The following NSUN2 variants were observed in gnomAD, a reference collection of about 807,000 sequenced individuals.
NSUN2 encodes the protein NOP2/Sun RNA methyltransferase 2.
A neutral mutation model predicts 92.7 loss-of-function variants in NSUN2; 63 were observed. The ratio of observed to expected loss-of-function variants is 0.68; its 90% CI spans 0.56 to 0.84. The LOEUF (loss-of-function observed/expected upper bound fraction) is 0.84. Among genes scored for constraint, NSUN2 ranks in the 40% least tolerant of loss-of-function variants. The pLI, the probability that NSUN2 is intolerant of heterozygous loss-of-function variation, is 0.00. For missense variants in NSUN2, 989 were observed against 964.9 expected (o/e 1.02, Z -0.33); for synonymous variants, 356 against 348.3 (o/e 1.02, Z -0.25).
At chr5:6,614,557 G>T (rs1418926086) in intron 9 of NSUN2, among the ~76,000 whole-genome samples, 1 of 152,282 alleles carries the variant, frequency 6.6e-6, no homozygotes, top group East Asian at 1.9e-4. Context: ...ACTGCTGCTG[G>T]AAAGAGAGAC....
At chr5:6,625,476 T>G (rs1426299731) in intron 4 of NSUN2, 88 bp downstream of exon 4, 2 of 907,656 alleles carry the variant, frequency 2.2e-6, no homozygotes, top group Admixed American at 4.1e-5. Context: ...CTACTGCTTC[T>G]AGTGACAAGA....
rs774608643 is a variant in NSUN2, at chr5:6,632,554, G to A, written c.254+45C>T. The A allele has an allele frequency of 3.1e-6, 5 of 1,602,982 alleles. No homozygotes were observed. The South Asian group carries it at 3.3e-5, about 11-fold the overall frequency. On this transcript the variant is annotated intron_variant, in intron 2 of 18. Coordinates refer to ENST00000264670, the MANE Select transcript of NSUN2 (RefSeq NM_017755.6). ...AAAACACCGTCGCCTTTAACCTCCA[G>A]CATCCTGGCCCCAACTCCCAAAAAA...
Position 6,604,628 on chromosome 5 carries a change from A to G in NSUN2, c.1795T>C (p.Cys599Arg), listed in dbSNP as rs752190379. 2.5e-6 allele frequency: 4 copies of G among 1,614,180 alleles called. No homozygotes were observed. The highest frequency in any genetic ancestry group is 2.2e-5 in the East Asian group (1 of 44,890). Reference sequence around the variant, plus strand: ...ACCTCCTGTGCCAGCCGGAAAGCACAGTCAAACTCTTCACCGCTGTTATTT... The same window carrying G: ...ACCTCCTGTGCCAGCCGGAAAGCACGGTCAAACTCTTCACCGCTGTTATTT... ...CRNNSGEEFD[C>R]AFRLAQEGIY... is the part of the protein sequence containing the mutation. The change falls in exon 16 of 19, where the codon TGT becomes CGT. Residue 599 changes from cysteine (C) to arginine (R), a missense_variant. This residue lies in a region of NSUN2 where 626 missense variants were observed against 602.3 expected (regional missense o/e 1.04). Transcript: ENST00000264670.
rs2126471072 is a variant in NSUN2 at position 6,604,523 on chromosome 5, C to G, written c.1818+82G>C. On this transcript the variant is annotated intron_variant, in intron 16 of 18. Coordinates refer to ENST00000264670, the MANE Select transcript of NSUN2 (RefSeq NM_017755.6). ...CCAAGCCCTGAGCCACTCAGACCAT[C>G]TGGCTGACCAGCAAGCCCATCTACT... 5 of 1,285,046 alleles carry G rather than the reference C, an allele frequency of 3.9e-6. No individual in the cohort carries two copies. The Middle Eastern group carries it at 7.7e-4, about 198-fold the overall frequency. 79.6% of individuals were successfully genotyped at this position (1,285,046 alleles called of 1,614,324 possible).
rs776425884 is a variant in NSUN2, at chr5:6,620,304, G to A, written c.623-6C>T. The stretch of plus-strand genomic sequence containing the variant: ...ATTCGCAATAACAAATCCCTCTGAA[G>A]GCACAGAATTGCAGTGTCAGGTGAA... On this transcript the variant is annotated splice_polypyrimidine_tract_variant and splice_region_variant and intron_variant, in intron 6 of 18. Transcript: ENST00000264670. 5 of 1,571,122 alleles carry A rather than the reference G, an allele frequency of 3.2e-6. No individual in the cohort carries two copies. The South Asian group carries it at 5.8e-5, about 18-fold the overall frequency.
At chr5:6,630,344 G>A (rs1737827109) in intron 3 of NSUN2, among the ~76,000 whole-genome samples, 1 of 152,044 alleles carries the variant, frequency 6.6e-6, no homozygotes, top group Admixed American at 6.5e-5. Context: ...CTCGCTCTGT[G>A]GCCCAGGCTG....
chr5:6,614,432 C>T (rs1232100278), intron 9 of NSUN2, among the ~76,000 whole-genome samples: 1 of 152,178 alleles, frequency 6.6e-6, no homozygotes, highest in African/African-American at 2.4e-5. Flanking sequence ...CTCACTCCCC[C>T]GTGCCTGGGT....
chr5:6,610,121 T>A (rs1736927669), intron 11 of NSUN2, among the ~76,000 whole-genome samples, 199 bp from the exon 12 acceptor site: 1 of 151,788 alleles, frequency 6.6e-6, no homozygotes, highest in African/African-American at 2.4e-5. Context: ...TGGAGTGCAG[T>A]GGTGTGATCT....
At chr5:6,629,503 A>T (rs1259994306) in intron 3 of NSUN2, among the ~76,000 whole-genome samples, 1 of 152,204 alleles carries the variant, frequency 6.6e-6, no homozygotes, top group Non-Finnish European at 1.5e-5. Flanking sequence ...GAACTTCTTC[A>T]TCTTAAAAGC....
Position 6,620,339 on chromosome 5 carries a change from A to C in NSUN2, c.623-41T>G, listed in dbSNP as rs767099513. 11 of 1,462,668 alleles carry C rather than the reference A, an allele frequency of 7.5e-6. No individual in the cohort carries two copies. The East Asian group carries it at 1.0e-4, about 13-fold the overall frequency. 90.6% of individuals were successfully genotyped at this position (1,462,668 alleles called of 1,614,324 possible). A position where few individuals can be genotyped will look rare whatever the true frequency, so the allele number is the denominator to read the frequency against. On this transcript the variant is annotated intron_variant, in intron 6 of 18. Transcript: ENST00000264670. The stretch of plus-strand genomic sequence containing the variant: ...TGCAGTGTCAGGTGAAATGGAGCCT[A>C]AGTGGAATCACATCCTGAAATATGC...
rs761883974 is a variant in NSUN2 at position 6,604,587 on chromosome 5, A to T, written c.1818+18T>A. On this transcript the variant is annotated intron_variant, in intron 16 of 18. Transcript: ENST00000264670. ...GTCATCTGTGGCTACTGCTGTTCAA[A>T]TCCACTTCCAAAATTACCTCCTGTG... The T allele has an allele frequency of 2.1e-5, 34 of 1,611,536 alleles. No individual in the cohort carries two copies. Among genetic ancestry groups the T allele is most frequent in the Non-Finnish European group, 2.9e-5 (34 of 1,177,686 alleles).
rs1737229676 is a variant in NSUN2 at position 6,616,774 on chromosome 5, G to C, written c.974C>G (p.Pro325Arg). The change falls in exon 9 of 19, where the codon CCT (proline) becomes CGT (arginine). Residue 325 changes from proline to arginine, a missense_variant. By Grantham distance (103) the Pro-to-Arg change is moderately radical. This residue lies in a region of NSUN2 where 626 missense variants were observed against 602.3 expected (regional missense o/e 1.04). Transcript: ENST00000264670. ...RMVYSTCSLN[P>R]IEDEAVIASL... is the part of the protein sequence containing the mutation. ...TGCTATGACTGCTTCATCCTCAATA[G>C]GGTTTAGTGAACACGTGGAATACAC... is the stretch of plus-strand genomic sequence containing the variant. 6.4e-7 allele frequency: 1 copy of C among 1,552,730 alleles called. No homozygotes were observed. The highest frequency in any genetic ancestry group is 1.1e-5 in the South Asian group (1 of 88,792).
chr5:6,624,861 C>G (rs66820651), intron 4 of NSUN2, among the ~76,000 whole-genome samples: 2 of 151,540 alleles, frequency 1.3e-5, no homozygotes, highest in South Asian at 2.1e-4. Context: ...CTAAGAATTC[C>G]AAAAAAAATA....
intron 3 of NSUN2, among the ~76,000 whole-genome samples, chr5:6,631,395 C>T (rs1213500774): frequency 1.3e-5 from 2 of 152,152 alleles, no homozygotes; most frequent in African/African-American, 4.8e-5. Context: ...TGCTGAGACT[C>T]GGAAATGCTA....
chr5:6,603,680 ACT>A (rs1736644547), intron 17 of NSUN2, among the ~76,000 whole-genome samples: 2 of 152,116 alleles, frequency 1.3e-5, no homozygotes, highest in African/African-American at 2.4e-5. Context: ...ACAGAGCGAG[ACT>A]CTGTCTCAAA....
At chr5:6,617,016 T>C (rs181455202) in intron 8 of NSUN2, among the ~76,000 whole-genome samples, 159 bp from the exon 9 acceptor site, 95 of 152,308 alleles carry the variant, frequency 6.2e-4, no homozygotes, top group Non-Finnish European at 1.2e-3. Flanking sequence ...AGTAAACTTA[T>C]ATAAAGTGTT....
Position 6,604,637 on chromosome 5 carries a change from C to T in NSUN2, c.1786G>A (p.Glu596Lys), listed in dbSNP as rs1736687750. 2 of 1,614,064 alleles carry T rather than the reference C, an allele frequency of 1.2e-6. No homozygotes were observed. The highest frequency in any genetic ancestry group is 1.7e-5 in the Admixed American group (1 of 60,008). ...KVWCRNNSGE[E>K]FDCAFRLAQE... ...GCCAGCCGGAAAGCACAGTCAAACTCTTCACCGCTGTTATTTCTACACCAG... is the reference window on the plus strand; with the variant it reads ...GCCAGCCGGAAAGCACAGTCAAACTTTTCACCGCTGTTATTTCTACACCAG... The change falls in exon 16 of 19, where the codon GAG becomes AAG. Residue 596 changes from glutamate (E) to lysine (K), a missense_variant. Glu to Lys is a moderately conservative substitution (Grantham distance 56). This residue lies in a region of NSUN2 where 626 missense variants were observed against 602.3 expected (regional missense o/e 1.04). Transcript: ENST00000264670.
At chr5:6,615,786 T>G (rs571680482) in intron 9 of NSUN2, among the ~76,000 whole-genome samples, 3 of 152,348 alleles carry the variant, frequency 2.0e-5, no homozygotes, top group African/African-American at 7.2e-5. Context: ...AGTTTGAAAT[T>G]TCTCATTATT....
chr5:6,632,486 G>T, intron 2 of NSUN2, 113 bp downstream of exon 2: 3 of 1,279,198 alleles, frequency 2.3e-6, no homozygotes, highest in South Asian at 1.4e-5. Flanking sequence ...AATCCAAACC[G>T]CTGAAACGCC....
Sources: allele counts gnomAD v4.1 joint callset (sites outside exome capture counted in the v4.1 genomes callset), GRCh38; gene constraint gnomAD v4.1.1; regional missense constraint gnomAD v4.1.1; transcripts MANE v1.5; gene names NCBI Gene and HGNC (gene_info 2026-07-23, HGNC 2026-07-21).